Variants in COLGALT2 observed in about 807,000 individuals in gnomAD.
COLGALT2 encodes the protein procollagen galactosyltransferase 2.
In COLGALT2, 49 loss-of-function variants were observed where a neutral mutation model predicts 73.4. The observed-to-expected ratio is 0.67, with a 90% CI of 0.53 to 0.85. The LOEUF (loss-of-function observed/expected upper bound fraction) is 0.85, where lower values mean the gene tolerates loss of function less well. COLGALT2 is among the 40% of genes least tolerant of loss of function. COLGALT2 has a pLI of 0.00. For synonymous variants in COLGALT2, 295 were observed against 307.6 expected (o/e 0.96, Z 0.43); for missense variants, 722 against 790.2 (o/e 0.91, Z 1.03).
chr1:183,977,724 G>A lies in COLGALT2; in HGVS notation c.374+686C>T, dbSNP rs1007774657. Among the ~76,000 whole-genome samples, 4 of 151,998 alleles carry A rather than the reference G, an allele frequency of 2.6e-5. No individual in the cohort carries two copies. In the East Asian group the frequency reaches 7.7e-4, roughly 29 times the overall value. ...GTATTGCCTGAACCCAGGAGTACGA[G>A]GTTACAGTGGAGCTATGGTCATGCC... On this transcript the variant is annotated intron_variant, in intron 2 of 11. Transcript: ENST00000361927.
At chr1:184,019,296 C>T (rs1237648382) in intron 1 of COLGALT2, among the ~76,000 whole-genome samples, 1 of 152,150 alleles carries the variant, frequency 6.6e-6, no homozygotes, top group Admixed American at 6.5e-5. Flanking sequence ...AAGCAGACAG[C>T]TATGAGCTCA....
At chr1:183,940,098 C>T (rs1189479418) in intron 11 of COLGALT2, among the ~76,000 whole-genome samples, 1 of 152,220 alleles carries the variant, frequency 6.6e-6, no homozygotes, top group Non-Finnish European at 1.5e-5. Context: ...ACCTCTTACA[C>T]ACCCCTGCGA....
At chr1:184,014,161 G>A (rs1203583779) in intron 1 of COLGALT2, among the ~76,000 whole-genome samples, 2 of 152,140 alleles carry the variant, frequency 1.3e-5, no homozygotes, top group African/African-American at 2.4e-5. Flanking sequence ...TACAGGAACG[G>A]ACCAGACTAC....
chr1:183,997,330 T>C (rs1671796295), intron 1 of COLGALT2, among the ~76,000 whole-genome samples: 1 of 151,874 alleles, frequency 6.6e-6, no homozygotes, highest in African/African-American at 2.4e-5. Context: ...AAATGAACCC[T>C]TGTACATACC....
intron 6 of COLGALT2, among the ~76,000 whole-genome samples, chr1:183,961,025 T>C (rs1318075039): frequency 1.3e-5 from 2 of 152,252 alleles, no homozygotes; most frequent in African/African-American, 4.8e-5. Context: ...GATTTTGTCA[T>C]TACCAACTTT....
rs182822411 is a variant in COLGALT2, at chr1:183,973,490, C to T, written c.627+126G>A. 29 of 1,239,572 alleles carry T rather than the reference C, an allele frequency of 2.3e-5. No individual in the cohort carries two copies. The Admixed American group carries it at 4.5e-4, about 19-fold the overall frequency. 76.8% of individuals were successfully genotyped at this position (1,239,572 alleles called of 1,614,324 possible). A position where few individuals can be genotyped will look rare whatever the true frequency, so the allele number is the denominator to read the frequency against. ...TACTGCCCTTCCTAAAAAATGCTTG[C>T]TCTGGGAACACAATGACACGCATGT... is the stretch of plus-strand genomic sequence containing the variant. On this transcript the variant is annotated intron_variant, in intron 4 of 11. Transcript: ENST00000361927.
At position 183,999,452 on chromosome 1, in the gene COLGALT2, T is replaced by A. The variant is rs577909066; in HGVS notation, c.264-20932A>T. ...TACGGTCCTCATATGATTTTAGTAT[T>A]ACGTTATGTTAACCTCACGAAATAA... On this transcript the variant is annotated intron_variant, in intron 1 of 11. Coordinates refer to ENST00000361927, the MANE Select transcript of COLGALT2 (RefSeq NM_015101.4). Among the ~76,000 whole-genome samples, 3 of 152,290 alleles carry A rather than the reference T, an allele frequency of 2.0e-5. No homozygotes were observed. The South Asian group carries it at 6.2e-4, about 32-fold the overall frequency.
intron 1 of COLGALT2, among the ~76,000 whole-genome samples, chr1:183,995,551 C>T (rs1398782075): frequency 2.0e-5 from 3 of 152,222 alleles, no homozygotes; most frequent in African/African-American, 7.2e-5. Context: ...GGAGGCGCAG[C>T]CTCCGGAAGC....
chr1:183,963,559 G>A (rs371893879), intron 6 of COLGALT2, among the ~76,000 whole-genome samples: 1 of 152,086 alleles, frequency 6.6e-6, no homozygotes, highest in African/African-American at 2.4e-5. Context: ...TACAACTAAG[G>A]ATATTACTTG....
rs1478010611 is a variant in COLGALT2, at chr1:184,024,672, T to TTG, written c.263+12422_263+12423insCA. On this transcript the variant is annotated intron_variant, in intron 1 of 11. Coordinates refer to ENST00000361927, the MANE Select transcript of COLGALT2 (RefSeq NM_015101.4). ...AGCCTCAGCTTTTTTTTTTTTTTTT[T>TTG]TCTGAGCAGAGATAAAAATTAGGCT... Among the ~76,000 whole-genome samples the TTG allele has an allele frequency of 2.0e-3, 296 of 151,348 alleles. 3 individuals are homozygous for TTG. The highest frequency in any genetic ancestry group is 6.6e-3 in the African/African-American group (270 of 41,156).
rs191092966 is a variant in COLGALT2 at position 184,031,891 on chromosome 1, A to C, written c.263+5204T>G. Among the ~76,000 whole-genome samples the C allele has an allele frequency of 1.3e-4, 17 of 127,498 alleles. No individual in the cohort carries two copies. In the East Asian group the frequency reaches 1.8e-3, roughly 13 times the overall value. The allele number at this position is 127,498 out of a possible 152,430, so 83.6% of individuals were successfully genotyped here. A position where few individuals can be genotyped will look rare whatever the true frequency, so the allele number is the denominator to read the frequency against. ...TAGTTCTTTATTTTTCCCTTCCCTTACCTTTTCCTTTTTCTTTTCTTTTGA... is the reference window on the plus strand; with the variant it reads ...TAGTTCTTTATTTTTCCCTTCCCTTCCCTTTTCCTTTTTCTTTTCTTTTGA... On this transcript the variant is annotated intron_variant, in intron 1 of 11. Transcript: ENST00000361927.
chr1:183,967,564 T>C (rs1341917798), intron 5 of COLGALT2, among the ~76,000 whole-genome samples: 2 of 152,214 alleles, frequency 1.3e-5, no homozygotes, highest in Non-Finnish European at 1.5e-5. Context: ...CATACCAATA[T>C]CCAGGTATTG....
At chr1:183,955,572 T>C (rs1326393187) in intron 6 of COLGALT2, among the ~76,000 whole-genome samples, 2 of 152,214 alleles carry the variant, frequency 1.3e-5, no homozygotes, top group Non-Finnish European at 2.9e-5. Flanking sequence ...TTTTATTTAT[T>C]TGATACTCTA....
At chr1:184,023,516 T>C (rs1649236864) in intron 1 of COLGALT2, among the ~76,000 whole-genome samples, 1 of 152,172 alleles carries the variant, frequency 6.6e-6, no homozygotes, top group Non-Finnish European at 1.5e-5. Flanking sequence ...TGCAGGCTGC[T>C]TTCCTTACAC....
intron 6 of COLGALT2, 97 bp from the exon 7 acceptor site, chr1:183,954,935 C>T: frequency 1.1e-6 from 1 of 935,506 alleles, no homozygotes; most frequent in Non-Finnish European, 1.7e-6. Context: ...TGGAATATAA[C>T]TTGGAAATAC....
chr1:183,984,699 A>T (rs1244331870), intron 1 of COLGALT2, among the ~76,000 whole-genome samples: 7 of 152,038 alleles, frequency 4.6e-5, no homozygotes, highest in African/African-American at 1.5e-4. Context: ...CACACTGGCC[A>T]CCTCTTACCC....
intron 5 of COLGALT2, among the ~76,000 whole-genome samples, chr1:183,965,161 C>CA (rs1366982365): frequency 1.3e-5 from 2 of 152,184 alleles, no homozygotes; most frequent in Admixed American, 1.3e-4. Flanking sequence ...CGAGCAAACT[C>CA]ATTAGCTCTG....
chr1:183,997,339 C>A (rs1671796533), intron 1 of COLGALT2, among the ~76,000 whole-genome samples: 1 of 152,192 alleles, frequency 6.6e-6, no homozygotes, highest in Non-Finnish European at 1.5e-5. Context: ...CTTGTACATA[C>A]CACCTAGCTT....
chr1:183,930,869 A>G (rs1669831150), downstream of COLGALT2, among the ~76,000 whole-genome samples: 1 of 152,212 alleles, frequency 6.6e-6, no homozygotes, highest in African/African-American at 2.4e-5. Context: ...AATGTAAAGT[A>G]TTTACACAAA....
Sources: gnomAD v4.1 joint callset for allele counts (sites outside exome capture counted in the v4.1 genomes callset) on GRCh38, gnomAD v4.1.1 for gene constraint, MANE v1.5 for transcripts, NCBI Gene and HGNC (gene_info 2026-07-23, HGNC 2026-07-21) for gene names.